The following SLC71A1 variants were observed in gnomAD, a reference collection of about 807,000 sequenced individuals.
SLC71A1 encodes hippocampus abundant gene transcript 1.
the SLC71A1 span, chr1:100,080,728 T>G: frequency 7.4e-7 from 1 of 1,353,574 alleles, no homozygotes; most frequent in South Asian, 1.5e-5. Context: ...TGGTTTTTGG[T>G]CATGAAAGCT....
At chr1:100,068,337 G>A in the SLC71A1 span, 1 of 925,098 alleles carries the variant, frequency 1.1e-6, no homozygotes, top group Non-Finnish European at 1.7e-6. Context: ...GAATAGTTTG[G>A]GGAATATGAA....
the SLC71A1 span, chr1:100,038,187 C>T: frequency 8.7e-6 from 13 of 1,497,156 alleles, no homozygotes; most frequent in Middle Eastern, 1.7e-4. Flanking sequence ...TGGGGCCTGC[C>T]GCCCCGGGAG....
At chr1:100,077,839 T>C in the SLC71A1 span, among the ~76,000 whole-genome samples, 1 of 152,142 alleles carries the variant, frequency 6.6e-6, no homozygotes, top group East Asian at 1.9e-4. Context: ...GGCACTGAAC[T>C]CCATGGTTTG....
At chr1:100,074,674 C>T in the SLC71A1 span, among the ~76,000 whole-genome samples, 2 of 151,960 alleles carry the variant, frequency 1.3e-5, no homozygotes, top group Non-Finnish European at 2.9e-5. Flanking sequence ...GTCAGAAGTT[C>T]GAAACCAGCC....
chr1:100,061,735 T>C, the SLC71A1 span: 10 of 738,584 alleles, frequency 1.4e-5, no homozygotes, highest in African/African-American at 1.4e-4. Context: ...AGCTGTTGAC[T>C]GAAATGAGCT....
chr1:100,047,824 A>G, the SLC71A1 span, among the ~76,000 whole-genome samples: 2 of 152,088 alleles, frequency 1.3e-5, no homozygotes, highest in Non-Finnish European at 2.9e-5. Flanking sequence ...CCCATAGTTT[A>G]TTTTGTTTTT....
At chr1:100,042,406 A>T in the SLC71A1 span, among the ~76,000 whole-genome samples, 3 of 152,196 alleles carry the variant, frequency 2.0e-5, no homozygotes, top group Middle Eastern at 6.8e-3. Flanking sequence ...CCTGATTTTA[A>T]TTAAATAGGA....
the SLC71A1 span, among the ~76,000 whole-genome samples, chr1:100,065,585 C>T: frequency 4.8e-5 from 7 of 145,934 alleles, no homozygotes; most frequent in South Asian, 6.6e-4. Context: ...TTTCCCTTCC[C>T]TTCCCTTCCC....
At chr1:100,065,355 G>A in the SLC71A1 span, among the ~76,000 whole-genome samples, 1 of 152,166 alleles carries the variant, frequency 6.6e-6, no homozygotes, top group Non-Finnish European at 1.5e-5. Context: ...TGAAGTTTAA[G>A]TTCTCCATCC....
At chr1:100,082,093 A>C in the SLC71A1 span, 7 of 1,614,090 alleles carry the variant, frequency 4.3e-6, no homozygotes, top group Middle Eastern at 3.3e-4. Context: ...GGAACATACC[A>C]ATTTAAGCTT....
At chr1:100,048,207 G>C in the SLC71A1 span, among the ~76,000 whole-genome samples, 28 of 138,080 alleles carry the variant, frequency 2.0e-4, no homozygotes, top group African/African-American at 7.3e-4. Flanking sequence ...TTTTTTTTCA[G>C]AGTCTCTGTC....
chr1:100,051,078 C>T, the SLC71A1 span, among the ~76,000 whole-genome samples: 1 of 141,324 alleles, frequency 7.1e-6, no homozygotes, highest in African/African-American at 2.7e-5. Context: ...GGAGTGAAAC[C>T]TTGTCTCAAA....
At chr1:100,045,293 C>T in the SLC71A1 span, among the ~76,000 whole-genome samples, 18 of 152,228 alleles carry the variant, frequency 1.2e-4, no homozygotes, top group East Asian at 3.3e-3. Context: ...ATTTGATTCT[C>T]AGCTTTGTCG....
the SLC71A1 span, among the ~76,000 whole-genome samples, chr1:100,072,695 G>A: frequency 6.6e-6 from 1 of 152,074 alleles, no homozygotes; most frequent in Admixed American, 6.5e-5. Flanking sequence ...GTAACCGGGT[G>A]TGGGCCAACC....
At chr1:100,059,144 G>GTGTTTTTTTTT in the SLC71A1 span, among the ~76,000 whole-genome samples, 116 of 75,428 alleles carry the variant, frequency 1.5e-3, 4 homozygotes, top group South Asian at 1.9e-3. Flanking sequence ...TCTTTTTCGT[G>GTGTTTTTTTTT]TTTTTTTTTT....
At chr1:100,046,043 C>T in the SLC71A1 span, among the ~76,000 whole-genome samples, 78 of 151,950 alleles carry the variant, frequency 5.1e-4, no homozygotes, top group African/African-American at 1.5e-3. Flanking sequence ...ATGTATACTT[C>T]GGTGCCGTTG....
chr1:100,080,410 TAA>T, the SLC71A1 span: 1 of 1,048,624 alleles, frequency 9.5e-7, no homozygotes, highest in East Asian at 2.4e-5. Flanking sequence ...GATTTTAGAT[TAA>T]GTGATTTCAT....
chr1:100,039,035 A>G, the SLC71A1 span, among the ~76,000 whole-genome samples: 1 of 152,232 alleles, frequency 6.6e-6, no homozygotes, highest in African/African-American at 2.4e-5. Context: ...GGAGGAGGAC[A>G]CTTTGAAGGG....
chr1:100,064,176 C>T, the SLC71A1 span, among the ~76,000 whole-genome samples: 2 of 152,200 alleles, frequency 1.3e-5, no homozygotes, highest in African/African-American at 4.8e-5. Flanking sequence ...GAGTCTCGCT[C>T]TGTCACCCAG....
Sources: allele counts gnomAD v4.1 joint callset (sites outside exome capture counted in the v4.1 genomes callset), GRCh38; gene constraint gnomAD v4.1.1; transcripts MANE v1.5; gene names NCBI Gene and HGNC (gene_info 2026-07-23, HGNC 2026-07-21).